Variants in RPS2 observed in about 807,000 individuals in gnomAD.
RPS2 encodes the protein ribosomal protein S2, also known as small ribosomal subunit protein uS5.
RPS2 carries 8 observed loss-of-function variants against 25.3 expected under a neutral mutation model. That is an observed-to-expected ratio of 0.32 (90% CI 0.19 to 0.57). The LOEUF (loss-of-function observed/expected upper bound fraction) is 0.57. Among genes scored for constraint, RPS2 ranks in the 20% least tolerant of loss-of-function variants. RPS2 has a pLI of 0.90. For missense variants in RPS2, 229 were observed against 408.1 expected (o/e 0.56, Z 3.78); for synonymous variants, 181 against 161.3 (o/e 1.12, Z -0.92).
intron 6 of RPS2, 25 bp from the exon 7 acceptor site, chr16:1,962,295 G>A (rs1228842447): frequency 1.9e-6 from 3 of 1,608,110 alleles, no homozygotes; most frequent in East Asian, 2.2e-5. Flanking sequence ...AACCCCAGGA[G>A]GGTCAGTGGT....
chr16:1,964,802 C>CTCACGT lies in RPS2; in HGVS notation c.-5_-4+4dup, dbSNP rs1477834395. The CTCACGT allele has an allele frequency of 1.8e-6, 1 of 543,370 alleles. No individual in the cohort carries two copies. The highest frequency in any genetic ancestry group is 2.0e-5 in the African/African-American group (1 of 49,330). 33.7% of individuals were successfully genotyped at this position (543,370 alleles called of 1,614,324 possible). ...AGGCCCGCTGCAGCGACCAACAGGA[C>CTCACGT]TCACGTGTTTTGTCGGAAAAGAAGA... On this transcript the variant is annotated splice_donor_region_variant and intron_variant, in intron 1 of 6. Coordinates refer to ENST00000343262, the MANE Select transcript of RPS2 (RefSeq NM_002952.4).
chr16:1,963,951 TAC>T (rs1376239061), intron 3 of RPS2: 26 of 404,672 alleles, frequency 6.4e-5, no homozygotes, highest in Middle Eastern at 3.4e-4. Flanking sequence ...TGCTAACCCT[TAC>T]AGTGTCCTCC....
At position 1,964,815 on chromosome 16, in the gene RPS2, T is replaced by G. The variant is rs1010530427; in HGVS notation, c.-12A>C. On this transcript the variant is annotated 5_prime_UTR_variant, in exon 1 of 7. Transcript: ENST00000343262. ...CGACCAACAGGACTCACGTGTTTTG[T>G]CGGAAAAGAAGAACGAGACCTACTG... 83 of 536,698 alleles carry G rather than the reference T, an allele frequency of 1.5e-4. No individual in the cohort carries two copies. Among genetic ancestry groups the G allele is most frequent in the Admixed American group, 6.5e-4 (17 of 26,144 alleles). 33.2% of individuals were successfully genotyped at this position (536,698 alleles called of 1,614,324 possible).
At chr16:1,962,677 G>A (rs1207570980) in intron 5 of RPS2, 21 bp from the exon 6 acceptor site, 1 of 1,587,992 alleles carries the variant, frequency 6.3e-7, no homozygotes. Flanking sequence ...AAGGAGTCAG[G>A]AGACGGGGGC....
Position 1,964,809 on chromosome 16 carries a change from GT to G in RPS2, c.-7del, listed in dbSNP as rs1363456931. 83 of 539,114 alleles carry G rather than the reference GT, an allele frequency of 1.5e-4. No individual in the cohort carries two copies. The highest frequency in any genetic ancestry group is 6.5e-4 in the Admixed American group (17 of 26,192). The allele number at this position is 539,114 out of a possible 1,614,324, so 33.4% of individuals were successfully genotyped here. On this transcript the variant is annotated 5_prime_UTR_variant, in exon 1 of 7. Transcript: ENST00000343262. Reference sequence around the variant, plus strand: ...CTGCAGCGACCAACAGGACTCACGTGTTTTGTCGGAAAAGAAGAACGAGACC... The same window carrying G: ...CTGCAGCGACCAACAGGACTCACGTGTTTGTCGGAAAAGAAGAACGAGACC...
chr16:1,963,628 CCGA>C (rs1362412389), intron 3 of RPS2: 1 of 335,446 alleles, frequency 3.0e-6, no homozygotes, highest in Admixed American at 4.0e-5. Context: ...CCAAAAAAAA[CCGA>C]AGAAGTCATG....
rs199947835 is a variant in RPS2 at position 1,962,799 on chromosome 16, G to T, written c.486C>A (p.Ile162=). Residue 162 remains isoleucine, a synonymous_variant, in exon 5 of 7, where the codon ATC becomes ATA. Transcript: ENST00000343262. ...RGAIILAKLS[I]VPVRRGYWGN... ...CCCAGTAGCCTCTGCGCACGGGGAC[G>T]ATGGAGAGCTTGGCCAGGATGATGG... is the stretch of plus-strand genomic sequence containing the variant. 4.3e-6 allele frequency: 7 copies of T among 1,611,380 alleles called. No individual in the cohort carries two copies. The highest frequency in any genetic ancestry group is 5.9e-6 in the Non-Finnish European group (7 of 1,179,472).
chr16:1,962,433 C>G (rs752209402), intron 6 of RPS2, 64 bp downstream of exon 6: 1 of 1,503,144 alleles, frequency 6.7e-7, no homozygotes, highest in Admixed American at 1.7e-5. Flanking sequence ...CAAGCACACA[C>G]TGGACCCGTG....
chr16:1,963,955 G>A (rs1455639435), intron 3 of RPS2: 9 of 410,776 alleles, frequency 2.2e-5, no homozygotes, highest in Non-Finnish European at 3.7e-5. Flanking sequence ...AACCCTTACA[G>A]TGTCCTCCCA....
Position 1,962,184 on chromosome 16 carries a change from A to G in RPS2, c.796T>C (p.Tyr266His). 6.2e-7 allele frequency: 1 copy of G among 1,602,626 alleles called. No individual in the cohort carries two copies. Among genetic ancestry groups the G allele is most frequent in the Non-Finnish European group, 8.5e-7 (1 of 1,178,116 alleles). Residue 266 changes from tyrosine to histidine, a missense_variant, in exon 7 of 7, where the codon TAT becomes CAT. Tyr to His is a moderately conservative substitution (Grantham distance 83, BLOSUM62 2). Coordinates refer to ENST00000343262, the MANE Select transcript of RPS2 (RefSeq NM_002952.4). ...ACGAGGTGGTCAGTGAACTCCTGAT[A>G]GGGAGACTTGGTGAATACAGTCTCC... Reference protein sequence around the residue: ...WKETVFTKSPYQEFTDHLVKT... With the variant: ...WKETVFTKSPHQEFTDHLVKT...
intron 3 of RPS2, chr16:1,963,661 C>T: frequency 5.9e-6 from 2 of 337,280 alleles, no homozygotes; most frequent in South Asian, 2.1e-5. Flanking sequence ...ACCTGGCTTC[C>T]CCCCGATCTG....
Position 1,962,594 on chromosome 16 carries a change from G to T in RPS2, c.612C>A (p.Ile204=), listed in dbSNP as rs138203888. The change falls in exon 6 of 7, where the codon ATC becomes ATA. Residue 204 remains isoleucine (I), a synonymous_variant. Transcript: ENST00000343262. ...GCTTCTTAGGCACAGGTGCGGAGAC[G>T]ATGCCAGTGCCCCTGGGTGCAGGGA... is the stretch of plus-strand genomic sequence containing the variant. ...RLIPAPRGTG[I]VSAPVPKKLL... 1.9e-6 allele frequency: 3 copies of T among 1,610,988 alleles called. No individual in the cohort carries two copies. Among genetic ancestry groups the T allele is most frequent in the Admixed American group, 3.3e-5 (2 of 59,930 alleles).
In RPS2 at chr16:1,964,787, C is replaced by T; in HGVS notation, c.-4+20G>A. On this transcript the variant is annotated intron_variant, in intron 1 of 6. Transcript: ENST00000343262. Reference sequence around the variant, plus strand: ...CCGCCGCCCACGCAGAGGCCCGCTGCAGCGACCAACAGGACTCACGTGTTT... The same window carrying T: ...CCGCCGCCCACGCAGAGGCCCGCTGTAGCGACCAACAGGACTCACGTGTTT... 2 of 550,310 alleles carry T rather than the reference C, an allele frequency of 3.6e-6. No homozygotes were observed. The highest frequency in any genetic ancestry group is 6.3e-6 in the Non-Finnish European group (2 of 316,762). The allele number at this position is 550,310 out of a possible 1,614,324, so 34.1% of individuals were successfully genotyped here. A position where few individuals can be genotyped will look rare whatever the true frequency, so the allele number is the denominator to read the frequency against.
chr16:1,964,222 G>T, intron 3 of RPS2, 54 bp downstream of exon 3: 1 of 1,345,722 alleles, frequency 7.4e-7, no homozygotes, highest in Non-Finnish European at 1.1e-6. Flanking sequence ...TCCAACCCCA[G>T]CCCAAATGAC....
Position 1,964,316 on chromosome 16 carries a change from T to C in RPS2, c.227A>G (p.Lys76Arg), listed in dbSNP as rs1208958881. The C allele has an allele frequency of 3.1e-6, 5 of 1,613,276 alleles. No homozygotes were observed. In the African/African-American group the frequency reaches 6.7e-5, roughly 22 times the overall value. The change falls in exon 3 of 7, where the codon AAG becomes AGG. Residue 76 changes from lysine (K) to arginine (R), a missense_variant. Lys to Arg is a conservative substitution (Grantham distance 26, BLOSUM62 2). Transcript: ENST00000343262. Reference protein sequence around the residue: ...LGRLVKDMKIKSLEEIYLFSL... With the variant: ...LGRLVKDMKIRSLEEIYLFSL... ...GAAGAGATAGATCTCCTCCAGGGAC[T>C]TGATCTTCATGTCCTTGACCAAGCG...
In RPS2 at chr16:1,962,856, G is replaced by A. The variant is rs1393533182; in HGVS notation, c.429C>T (p.Cys143=). 4 of 1,604,694 alleles carry A rather than the reference G, an allele frequency of 2.5e-6. No homozygotes were observed. Among genetic ancestry groups the A allele is most frequent in the African/African-American group, 1.3e-5 (1 of 74,926 alleles). Residue 143 remains cysteine, a synonymous_variant, in exon 5 of 7, where the codon TGC becomes TGT. Coordinates refer to ENST00000343262, the MANE Select transcript of RPS2 (RefSeq NM_002952.4). ...YNGHVGLGVK[C]SKEVATAIRG... is the part of the protein sequence containing the mutation. ...GGATGGCGGTGGCCACCTCCTTGGA[G>A]CACTTAACACCCAGACCGACGTGGC...
rs3175629 is a variant in RPS2, at chr16:1,962,140, G to A, written c.840C>T (p.Val280=). The A allele has an allele frequency of 6.3e-7, 1 of 1,581,330 alleles. No individual in the cohort carries two copies. The highest frequency in any genetic ancestry group is 8.5e-7 in the Non-Finnish European group (1 of 1,171,668). Residue 280 remains valine, a synonymous_variant, in exon 7 of 7, where the codon GTC becomes GTT. Transcript: ENST00000343262. ...CTGGAGCCTGAGTCCGCTGCACGGA[G>A]ACTCTGGTGTGGGTCTTGACGAGGT... is the stretch of plus-strand genomic sequence containing the variant. ...TDHLVKTHTR[V]SVQRTQAPAV... is the part of the protein sequence containing the mutation.
intron 2 of RPS2, 23 bp downstream of exon 2, chr16:1,964,426 C>A (rs757940170): frequency 1.2e-6 from 2 of 1,612,538 alleles, no homozygotes; most frequent in East Asian, 4.5e-5. Context: ...AGGGGCCCGA[C>A]CCCGAGCGTG....
intron 3 of RPS2, chr16:1,963,789 A>C (rs1335110056): frequency 4.4e-6 from 2 of 457,520 alleles, no homozygotes; most frequent in Non-Finnish European, 4.4e-6. Context: ...TTCCACTCAG[A>C]TTTCCTTTTG....
Sources: allele counts gnomAD v4.1 joint callset, GRCh38; gene constraint gnomAD v4.1.1; transcripts MANE v1.5; gene names NCBI Gene and HGNC (gene_info 2026-07-23, HGNC 2026-07-21).